Variants in ROBO2 observed in about 807,000 individuals in gnomAD.
The protein encoded by ROBO2 is roundabout homolog 2.
A neutral mutation model predicts 160.8 loss-of-function variants in ROBO2; 53 were observed. The observed-to-expected ratio is 0.33, with a 90% CI of 0.26 to 0.41. The LOEUF is 0.41. Ranked by LOEUF, ROBO2 falls within the 10% of genes least tolerant of loss-of-function variation. The probability of loss-of-function intolerance (pLI) is 1.00; values close to 1 mark genes in which losing one functional copy is unlikely to be tolerated. For missense variants in ROBO2, 1,577 were observed against 1,722.4 expected, an observed-to-expected ratio of 0.92 and a Z score of 1.49; for synonymous variants, 664 against 611.7, an observed-to-expected ratio of 1.09 and a Z score of -1.26.
chr3:77,403,873 T>G (rs555531842), intron 2 of ROBO2, among the ~76,000 whole-genome samples: 2 of 146,688 alleles, frequency 1.4e-5, no homozygotes, highest in East Asian at 2.0e-4. Context: ...ATGGAGAGAG[T>G]TTTTTTTTTA....
intron 2 of ROBO2, among the ~76,000 whole-genome samples, chr3:76,519,346 C>T (rs1353308793): frequency 6.6e-6 from 1 of 152,084 alleles, no homozygotes; most frequent in Non-Finnish European, 1.5e-5. Flanking sequence ...AATTGCAAAG[C>T]TGAAAATATT....
chr3:76,655,439 C>CATATACATATATATATATAT (rs1553854507), intron 2 of ROBO2, among the ~76,000 whole-genome samples: 3 of 57,786 alleles, frequency 5.2e-5, no homozygotes, highest in South Asian at 2.3e-3. Context: ...GATTTTTTTC[C>CATATACATATATATATATAT]ATATATATAT....
At chr3:77,293,973 G>T (rs201732304) in intron 2 of ROBO2, among the ~76,000 whole-genome samples, 1 of 143,932 alleles carries the variant, frequency 6.9e-6, no homozygotes, top group East Asian at 2.0e-4. Context: ...GATCACCCCA[G>T]ACATAAAGTA....
chr3:76,557,994 A>G (rs1437254502), intron 2 of ROBO2, among the ~76,000 whole-genome samples: 2 of 133,694 alleles, frequency 1.5e-5, no homozygotes, highest in East Asian at 5.1e-4. Context: ...ACTATTTTGA[A>G]CTAATTTCTG....
chr3:77,147,323 G>A (rs938180696), intron 2 of ROBO2, among the ~76,000 whole-genome samples: 2 of 152,024 alleles, frequency 1.3e-5, no homozygotes, highest in Non-Finnish European at 1.5e-5. Context: ...GGGAGCACTG[G>A]TGCCCACTTG....
Position 76,540,162 on chromosome 3 carries a change from AG to A in ROBO2, c.110-557849del, listed in dbSNP as rs1036957404. Among the ~76,000 whole-genome samples, 15 of 152,220 alleles carry A rather than the reference AG, an allele frequency of 9.9e-5. No homozygotes were observed. The East Asian group carries it at 1.7e-3, about 18-fold the overall frequency. ...AGAGACAAAACTCCAGTGAAATGTC[AG>A]GGACCTTAAAGGAGGAGAAGAATAT... On this transcript the variant is annotated intron_variant, in intron 2 of 26. Coordinates refer to the ROBO2 transcript ENST00000487694.
chr3:76,182,509 T>A (rs1701555472), intron 2 of ROBO2, among the ~76,000 whole-genome samples: 1 of 152,106 alleles, frequency 6.6e-6, no homozygotes, highest in Non-Finnish European at 1.5e-5. Flanking sequence ...TGATTAGAAC[T>A]TCTAGGCCTT....
chr3:77,050,441 A>G (rs925584393), intron 1 of ROBO2, among the ~76,000 whole-genome samples: 7 of 152,188 alleles, frequency 4.6e-5, no homozygotes, highest in Non-Finnish European at 8.8e-5. Flanking sequence ...GAAACTGAGT[A>G]GGAGAAATGT....
intron 2 of ROBO2, among the ~76,000 whole-genome samples, chr3:76,580,342 G>GTTTTTTTTTTTTTTTTTTTTTTTTGT (rs71101901): frequency 1.1e-4 from 10 of 90,562 alleles, no homozygotes; most frequent in East Asian, 3.3e-4. Context: ...TTTTTTTTGT[G>GTTTTTTTTTTTTTTTTTTTTTTTTGT]TTTTTTTTTT....
intron 1 of ROBO2, among the ~76,000 whole-genome samples, chr3:77,055,276 G>C (rs1455592669): frequency 6.6e-6 from 1 of 152,104 alleles, no homozygotes; most frequent in African/African-American, 2.4e-5. Flanking sequence ...GGATGGTCTT[G>C]ATATTAGGGG....
At chr3:76,957,238 C>T (rs1202072492) in intron 2 of ROBO2, among the ~76,000 whole-genome samples, 1 of 151,808 alleles carries the variant, frequency 6.6e-6, no homozygotes, top group African/African-American at 2.4e-5. Flanking sequence ...TATCCATTTG[C>T]TTCCAATAGT....
chr3:77,326,214 A>C (rs1215056138), intron 2 of ROBO2, among the ~76,000 whole-genome samples: 4 of 152,200 alleles, frequency 2.6e-5, no homozygotes, highest in African/African-American at 9.6e-5. Context: ...TACAATACTT[A>C]CTTTAACACA....
intron 1 of ROBO2, among the ~76,000 whole-genome samples, chr3:75,918,984 C>G (rs1184772175): frequency 1.3e-5 from 2 of 152,110 alleles, no homozygotes; most frequent in African/African-American, 4.8e-5. Flanking sequence ...CATCTGCAAA[C>G]AGAGACAATT....
intron 5 of ROBO2, among the ~76,000 whole-genome samples, chr3:77,494,518 C>T (rs2086543930): frequency 6.6e-6 from 1 of 152,132 alleles, no homozygotes; most frequent in Non-Finnish European, 1.5e-5. Flanking sequence ...GCAGTGGTTG[C>T]AGTGAGTCAA....
intron 1 of ROBO2, among the ~76,000 whole-genome samples, chr3:77,092,630 T>A (rs1429760036): frequency 6.8e-6 from 1 of 146,960 alleles, no homozygotes; most frequent in Non-Finnish European, 1.5e-5. Context: ...ATATAATATA[T>A]AAATTTGTAT....
intron 2 of ROBO2, among the ~76,000 whole-genome samples, chr3:76,593,478 G>A (rs902929300): frequency 6.6e-6 from 1 of 152,018 alleles, no homozygotes; most frequent in Non-Finnish European, 1.5e-5. Flanking sequence ...TAAATAATCT[G>A]ATCAGATAAC....
chr3:77,351,597 A>G (rs932592142), intron 2 of ROBO2, among the ~76,000 whole-genome samples: 2 of 152,164 alleles, frequency 1.3e-5, no homozygotes, highest in Non-Finnish European at 2.9e-5. Flanking sequence ...TTTTCCCTTA[A>G]CAAAGTGGCA....
chr3:77,129,420 A>G (rs2075645438), intron 2 of ROBO2, among the ~76,000 whole-genome samples: 1 of 152,230 alleles, frequency 6.6e-6, no homozygotes, highest in Non-Finnish European at 1.5e-5. Flanking sequence ...ATGAGAAATA[A>G]GTTTGTTTAT....
At chr3:77,410,687 T>TTCCTCCTCCTCCTCC (rs1560758567) in intron 2 of ROBO2, among the ~76,000 whole-genome samples, 6 of 72,200 alleles carry the variant, frequency 8.3e-5, no homozygotes, top group African/African-American at 2.8e-4. Context: ...CCTCCTCCTC[T>TTCCTCCTCCTCCTCC]TCCTCCTCCT....
Sources: allele counts gnomAD v4.1 joint callset (sites outside exome capture counted in the v4.1 genomes callset), GRCh38; gene constraint gnomAD v4.1.1; transcripts MANE v1.5; gene names NCBI Gene and HGNC (gene_info 2026-07-23, HGNC 2026-07-21).